CPS1: variants seen among roughly 807,000 people sequenced by gnomAD.
CPS1 encodes the protein carbamoyl-phosphate synthase 1, also known as carbamoyl-phosphate synthase [ammonia], mitochondrial.
Under a neutral mutation model 174.6 loss-of-function variants are expected in CPS1, and 109 were observed. That is an observed-to-expected ratio of 0.62 (90% CI 0.53 to 0.73). CPS1 has a LOEUF of 0.73. CPS1 is among the 30% of genes least tolerant of loss of function. The pLI, the probability that CPS1 is intolerant of heterozygous loss-of-function variation, is 0.00. For missense variants in CPS1, 1,689 were observed against 1,821.9 expected, an observed-to-expected ratio of 0.93 and a Z score of 1.33; for synonymous variants, 637 against 632.0, an observed-to-expected ratio of 1.01 and a Z score of -0.12.
intron 1 of CPS1, among the ~76,000 whole-genome samples, chr2:210,543,652 T>G: frequency 6.6e-6 from 1 of 152,144 alleles, no homozygotes; most frequent in East Asian, 1.9e-4. Context: ...TTTGTAATTA[T>G]ATATTGTGAG....
chr2:210,555,465 G>A (rs1168976069), upstream of CPS1, among the ~76,000 whole-genome samples: 3 of 151,774 alleles, frequency 2.0e-5, no homozygotes, highest in Admixed American at 6.6e-5. Flanking sequence ...CTATCACCAG[G>A]AGCCATGAAG....
upstream of CPS1, among the ~76,000 whole-genome samples, chr2:210,554,222 C>T (rs868160126): frequency 6.3e-4 from 85 of 134,968 alleles, 4 homozygotes; most frequent in African/African-American, 2.0e-3. Context: ...TATATACACA[C>T]ACATATATAT....
intron 1 of CPS1, among the ~76,000 whole-genome samples, chr2:210,528,416 T>C (rs1696030665): frequency 6.6e-6 from 1 of 152,026 alleles, no homozygotes; most frequent in South Asian, 2.1e-4. Context: ...TGAGAGACTA[T>C]CTCCTCTCAT....
intron 1 of CPS1, among the ~76,000 whole-genome samples, chr2:210,489,997 CAAAAA>C (rs10604397): frequency 3.4e-5 from 3 of 88,396 alleles, no homozygotes; most frequent in Non-Finnish European, 7.2e-5. Context: ...GACTCTGTCT[CAAAAA>C]AAAAAAAAAA....
At chr2:210,658,867 C>T (rs906440638) in intron 31 of CPS1, among the ~76,000 whole-genome samples, 179 bp downstream of exon 31, 1 of 152,176 alleles carries the variant, frequency 6.6e-6, no homozygotes, top group Admixed American at 6.5e-5. Context: ...TTTGAAGGCC[C>T]AGGCTATTGG....
At chr2:210,596,371 C>T (rs1698482065) in intron 13 of CPS1, among the ~76,000 whole-genome samples, 1 of 151,886 alleles carries the variant, frequency 6.6e-6, no homozygotes, top group African/African-American at 2.4e-5. Context: ...TGCCATTCAC[C>T]AGAGACCAGG....
At chr2:210,633,335 T>G (rs1699929494) in intron 21 of CPS1, among the ~76,000 whole-genome samples, 1 of 152,162 alleles carries the variant, frequency 6.6e-6, no homozygotes, top group African/African-American at 2.4e-5. Context: ...AGGCCAATTC[T>G]TATCAATCAA....
intron 1 of CPS1, among the ~76,000 whole-genome samples, chr2:210,551,261 A>G (rs890829270): frequency 5.3e-5 from 8 of 151,974 alleles, no homozygotes; most frequent in Non-Finnish European, 1.0e-4. Flanking sequence ...GGCATTTCCC[A>G]CTGTTCTTCT....
Position 210,588,067 on chromosome 2 carries a change from G to A in CPS1, c.631G>A (p.Val211Met). 1 of 1,612,934 alleles carries A rather than the reference G, an allele frequency of 6.2e-7. No homozygotes were observed. Among genetic ancestry groups the A allele is most frequent in the Non-Finnish European group, 8.5e-7 (1 of 1,179,200 alleles). The change falls in exon 7 of 38, where the codon GTG becomes ATG. Residue 211 changes from valine (V) to methionine (M), a missense_variant. Coordinates refer to ENST00000233072, the MANE Select transcript of CPS1 (RefSeq NM_001875.5). ...GTTTTTAAAATGGCAGGATGTCAAA[G>A]TGTACGGCAAAGGAAACCCCACAAA... ...IAEVSTKDVK[V>M]YGKGNPTKVV...
intron 1 of CPS1, among the ~76,000 whole-genome samples, chr2:210,537,945 C>T (rs1396031391): frequency 6.6e-6 from 1 of 152,180 alleles, no homozygotes; most frequent in Non-Finnish European, 1.5e-5. Flanking sequence ...TGTATATCCT[C>T]TGCTATACAG....
chr2:210,601,099 A>C (rs535024586), intron 15 of CPS1, among the ~76,000 whole-genome samples: 34 of 152,082 alleles, frequency 2.2e-4, no homozygotes, highest in African/African-American at 8.2e-4. Context: ...AATTTGCTTT[A>C]AATTTTTTTT....
chr2:210,678,984 C>T lies in CPS1; in HGVS notation c.*999C>T, dbSNP rs529528829. On this transcript the variant is annotated 3_prime_UTR_variant, in exon 38 of 38. Transcript: ENST00000233072. ...TCCACCCACTGTAAGGGCAAGGACACCATTCCTTCTACATATAAGAAAAAA... is the reference window on the plus strand; with the variant it reads ...TCCACCCACTGTAAGGGCAAGGACATCATTCCTTCTACATATAAGAAAAAA... 3.3e-5 allele frequency: 5 copies of T among 152,170 alleles called. No individual in the cohort carries two copies. The highest frequency in any genetic ancestry group is 7.3e-5 in the Non-Finnish European group (5 of 68,042). 9.4% of individuals were successfully genotyped at this position (152,170 alleles called of 1,614,324 possible).
chr2:210,674,787 T>C (rs1701465375), intron 34 of CPS1, 115 bp from the exon 35 acceptor site: 2 of 882,190 alleles, frequency 2.3e-6, no homozygotes, highest in Non-Finnish European at 1.9e-6. Flanking sequence ...TTTTTTAATA[T>C]AAAGCATCCG....
intron 1 of CPS1, among the ~76,000 whole-genome samples, chr2:210,522,889 G>A (rs1472048475): frequency 1.3e-5 from 2 of 151,952 alleles, no homozygotes; most frequent in African/African-American, 2.4e-5. Flanking sequence ...TGTGAAAAAT[G>A]TTCTGACAGA....
chr2:210,624,735 T>C (rs1699644351), intron 21 of CPS1, among the ~76,000 whole-genome samples: 1 of 152,002 alleles, frequency 6.6e-6, no homozygotes, highest in Admixed American at 6.6e-5. Flanking sequence ...TTTTGGCAAA[T>C]GATTGTGCAT....
At chr2:210,509,482 G>C (rs1385842056) in intron 1 of CPS1, among the ~76,000 whole-genome samples, 1 of 152,176 alleles carries the variant, frequency 6.6e-6, no homozygotes, top group Non-Finnish European at 1.5e-5. Context: ...TGATAGGGAT[G>C]CCCTCTCTCA....
intron 1 of CPS1, among the ~76,000 whole-genome samples, chr2:210,508,445 A>G (rs1435785144): frequency 6.6e-6 from 1 of 152,016 alleles, no homozygotes; most frequent in Non-Finnish European, 1.5e-5. Flanking sequence ...TAAAATTGAC[A>G]CCCTAACATC....
At chr2:210,674,995 G>C in intron 35 of CPS1, 34 bp downstream of exon 35, 1 of 1,505,032 alleles carries the variant, frequency 6.6e-7, no homozygotes, top group Non-Finnish European at 9.3e-7. Flanking sequence ...TTTTCTGTCA[G>C]CATGGAATCT....
chr2:210,639,705 T>G lies in CPS1; in HGVS notation c.2896-291T>G, dbSNP rs571806418. Among the ~76,000 whole-genome samples, 7 of 151,518 alleles carry G rather than the reference T, an allele frequency of 4.6e-5. No homozygotes were observed. The South Asian group carries it at 1.5e-3, about 32-fold the overall frequency. ...GTACTCAGTCTTTTAAGAACTGCCT[T>G]AAGATAATGAAATCAAACAAATGAA... On this transcript the variant is annotated intron_variant, in intron 23 of 37. Coordinates refer to ENST00000233072, the MANE Select transcript of CPS1 (RefSeq NM_001875.5).
Sources: allele counts gnomAD v4.1 joint callset (sites outside exome capture counted in the v4.1 genomes callset), GRCh38; gene constraint gnomAD v4.1.1; transcripts MANE v1.5; gene names NCBI Gene and HGNC (gene_info 2026-07-23, HGNC 2026-07-21).